Variants in PRKG1 observed in about 807,000 individuals in gnomAD.
PRKG1 encodes protein kinase cGMP-dependent 1.
In PRKG1, 35 loss-of-function variants were observed where a neutral mutation model predicts 88.1. That is an observed-to-expected ratio of 0.40 (90% confidence interval 0.30 to 0.53). PRKG1 has a LOEUF of 0.53. PRKG1 is among the 20% of genes least tolerant of loss of function. PRKG1 has a pLI of 0.59. For missense variants in PRKG1, 540 were observed against 839.8 expected (o/e 0.64, Z 4.41); for synonymous variants, 303 against 292.5 (o/e 1.04, Z -0.37).
intron 2 of PRKG1, among the ~76,000 whole-genome samples, chr10:51,434,347 G>C (rs1020338): frequency 0.31 from 46,630 of 151,962 alleles, 7,902 homozygotes; most frequent in African/African-American, 0.44. Flanking sequence ...CGATTGAAAG[G>C]GGGCAAACTG....
At position 51,600,712 on chromosome 10, in the gene PRKG1, C is replaced by T. The variant is rs923308003; in HGVS notation, c.592+132876C>T. ...CAGTAGGTACTTTACACTTACAGCA[C>T]ACCTCACTTCAGCTGAGCCACATTT... On this transcript the variant is annotated intron_variant, in intron 3 of 17. Coordinates refer to ENST00000373980, the MANE Select transcript of PRKG1 (RefSeq NM_006258.4). Among the ~76,000 whole-genome samples, 8 of 152,166 alleles carry T rather than the reference C, an allele frequency of 5.3e-5. No individual in the cohort carries two copies. The East Asian group carries it at 1.5e-3, about 29-fold the overall frequency.
At chr10:50,994,305 A>G (rs1012409064) in intron 1 of PRKG1, among the ~76,000 whole-genome samples, 2 of 152,168 alleles carry the variant, frequency 1.3e-5, no homozygotes, top group African/African-American at 4.8e-5. Context: ...CTGGGATACA[A>G]TATTTAATAT....
At chr10:51,558,539 G>T (rs1837372788) in intron 3 of PRKG1, among the ~76,000 whole-genome samples, 1 of 152,068 alleles carries the variant, frequency 6.6e-6, no homozygotes, top group Non-Finnish European at 1.5e-5. Flanking sequence ...CTGTGAATAT[G>T]CATGGGATGT....
At chr10:51,913,246 CA>C (rs1480446544) in intron 5 of PRKG1, among the ~76,000 whole-genome samples, 2 of 152,076 alleles carry the variant, frequency 1.3e-5, no homozygotes, top group African/African-American at 4.8e-5. Flanking sequence ...ATTTTAGATA[CA>C]GGGGTACATG....
intron 1 of PRKG1, among the ~76,000 whole-genome samples, chr10:51,077,656 A>G (rs2131844631): frequency 6.6e-6 from 1 of 152,254 alleles, no homozygotes; most frequent in Non-Finnish European, 1.5e-5. Flanking sequence ...ATTGGAGGGA[A>G]GGTTCTGTCA....
intron 8 of PRKG1, among the ~76,000 whole-genome samples, chr10:52,137,000 A>T (rs558920716): frequency 6.6e-6 from 1 of 152,184 alleles, no homozygotes; most frequent in South Asian, 2.1e-4. Flanking sequence ...AAAAAATGAA[A>T]CTGTAACTGA....
At chr10:52,070,753 T>C (rs1846476603) in intron 7 of PRKG1, among the ~76,000 whole-genome samples, 1 of 152,226 alleles carries the variant, frequency 6.6e-6, no homozygotes, top group Non-Finnish European at 1.5e-5. Flanking sequence ...TACTTCTTCC[T>C]TCAATTGTAT....
At chr10:51,681,328 T>G (rs1840844410) in intron 3 of PRKG1, among the ~76,000 whole-genome samples, 1 of 152,158 alleles carries the variant, frequency 6.6e-6, no homozygotes, top group Non-Finnish European at 1.5e-5. Flanking sequence ...AAATCAATGA[T>G]GTAGTGGCAG....
chr10:52,201,372 A>C (rs1839663789), intron 9 of PRKG1, among the ~76,000 whole-genome samples: 1 of 151,998 alleles, frequency 6.6e-6, no homozygotes, highest in Non-Finnish European at 1.5e-5. Flanking sequence ...ATAGGTGTGC[A>C]GCTTTATTTC....
rs76691739 is a variant in PRKG1 at position 52,078,094 on chromosome 10, A to G, written c.935+15463A>G. ...ATATGGGGAAACATGTTGCTTTGAA[A>G]GGAACATTTTCCACACACATTCTGT... On this transcript the variant is annotated intron_variant, in intron 7 of 17. Coordinates refer to ENST00000373980, the MANE Select transcript of PRKG1 (RefSeq NM_006258.4). 4.4e-4 allele frequency among the ~76,000 whole-genome samples: 67 copies of G among 152,364 alleles called. No individual in the cohort carries two copies. In the East Asian group the frequency reaches 0.012, roughly 26 times the overall value.
chr10:52,103,300 T>A (rs886981198), intron 7 of PRKG1, among the ~76,000 whole-genome samples: 2 of 152,048 alleles, frequency 1.3e-5, no homozygotes, highest in African/African-American at 4.8e-5. Flanking sequence ...GAAATTACAA[T>A]GTATTTCCAT....
Position 51,718,978 on chromosome 10 carries a change from C to T in PRKG1, c.593-85607C>T, listed in dbSNP as rs552872203. ...ATTAAATAACAAAGGAAGACTATCT[C>T]TACAAAAAATTTTAAAAATTATCTG... is the stretch of plus-strand genomic sequence containing the variant. On this transcript the variant is annotated intron_variant, in intron 3 of 17. Transcript: ENST00000373980. Among the ~76,000 whole-genome samples the T allele has an allele frequency of 5.3e-5, 8 of 152,186 alleles. No homozygotes were observed. The South Asian group carries it at 1.7e-3, about 32-fold the overall frequency.
chr10:51,080,593 C>G (rs1422908061), intron 1 of PRKG1, among the ~76,000 whole-genome samples: 1 of 152,248 alleles, frequency 6.6e-6, no homozygotes, highest in Non-Finnish European at 1.5e-5. Flanking sequence ...GATCCTCTGA[C>G]TTGAACCTTT....
intron 1 of PRKG1, among the ~76,000 whole-genome samples, chr10:51,079,201 A>C (rs1844043872): frequency 6.6e-6 from 1 of 152,224 alleles, no homozygotes; most frequent in Admixed American, 6.5e-5. Context: ...TAGAGGTAAG[A>C]GCTACATAGG....
chr10:51,020,819 T>G (rs988056687), intron 1 of PRKG1, among the ~76,000 whole-genome samples: 6 of 152,124 alleles, frequency 3.9e-5, no homozygotes, highest in Non-Finnish European at 7.4e-5. Context: ...AAAAAAGAAA[T>G]GGAGTAGGGA....
intron 2 of PRKG1, among the ~76,000 whole-genome samples, chr10:51,259,673 A>G (rs1234318905): frequency 6.6e-6 from 1 of 152,046 alleles, no homozygotes; most frequent in Non-Finnish European, 1.5e-5. Flanking sequence ...ACAGGGTTTC[A>G]CCATGTTGGC....
Position 51,680,656 on chromosome 10 carries a change from T to C in PRKG1, c.593-123929T>C, listed in dbSNP as rs185598117. On this transcript the variant is annotated intron_variant, in intron 3 of 17. Transcript: ENST00000373980. ...TGATGACTTATGAATTCAGATTCTC[T>C]TTAATTGTGTTCCTATAGTACTATG... is the stretch of plus-strand genomic sequence containing the variant. 7.9e-5 allele frequency among the ~76,000 whole-genome samples: 12 copies of C among 152,370 alleles called. No homozygotes were observed. In the East Asian group the frequency reaches 2.3e-3, roughly 29 times the overall value.
At chr10:51,512,596 G>C (rs1380169520) in intron 3 of PRKG1, among the ~76,000 whole-genome samples, 1 of 81,734 alleles carries the variant, frequency 1.2e-5, no homozygotes, top group Non-Finnish European at 2.4e-5. Context: ...GTCTATCATT[G>C]TTGGACATTT....
intron 3 of PRKG1, among the ~76,000 whole-genome samples, chr10:51,777,643 T>G (rs534402676): frequency 6.6e-6 from 1 of 152,274 alleles, no homozygotes; most frequent in Non-Finnish European, 1.5e-5. Context: ...GTCCATAGTT[T>G]ACACTAGGGT....
Sources: allele counts gnomAD v4.1 joint callset (sites outside exome capture counted in the v4.1 genomes callset), GRCh38; gene constraint gnomAD v4.1.1; transcripts MANE v1.5; gene names NCBI Gene and HGNC (gene_info 2026-07-23, HGNC 2026-07-21).